ADAMTS9: variants seen among roughly 807,000 people sequenced by gnomAD.
ADAMTS9 encodes the protein A disintegrin and metalloproteinase with thrombospondin motifs 9.
Under a neutral mutation model 257.1 loss-of-function variants are expected in ADAMTS9, and 107 were observed. That is an observed-to-expected ratio of 0.42 (90% CI 0.36 to 0.49). The LOEUF (loss-of-function observed/expected upper bound fraction) is 0.49. Among genes scored for constraint, ADAMTS9 ranks in the 20% least tolerant of loss-of-function variants. ADAMTS9 has a pLI of 0.03. For synonymous variants in ADAMTS9, 982 were observed against 880.9 expected (o/e 1.11, Z -2.03); for missense variants, 2,353 against 2,469.1 (o/e 0.95, Z 1.00).
chr3:64,638,051 T>G (rs781535177), intron 12 of ADAMTS9, among the ~76,000 whole-genome samples: 2 of 152,196 alleles, frequency 1.3e-5, no homozygotes, highest in Non-Finnish European at 2.9e-5. Context: ...TAAAGTAAGA[T>G]TTCATAACCA....
Position 64,596,227 on chromosome 3 carries a change from C to A in ADAMTS9, c.4179+603G>T, listed in dbSNP as rs140615056. Among the ~76,000 whole-genome samples the A allele has an allele frequency of 5.8e-3, 880 of 152,240 alleles. 8 individuals carry two copies. The highest frequency in any genetic ancestry group is 0.02 in the African/African-American group (810 of 41,534). On this transcript the variant is annotated intron_variant, in intron 27 of 39. Coordinates refer to ENST00000498707, the MANE Select transcript of ADAMTS9 (RefSeq NM_182920.2). ...GCCAAGGTCACAAAACTTTTAAGAG[C>A]CAGAGCTGAGAACAGGACACGGTTT...
intron 26 of ADAMTS9, among the ~76,000 whole-genome samples, chr3:64,600,508 G>A (rs996484212): frequency 3.3e-5 from 5 of 152,250 alleles, no homozygotes; most frequent in African/African-American, 1.2e-4. Context: ...ATCCCCAAAT[G>A]TAGTCCTAAA....
intron 28 of ADAMTS9, chr3:64,588,806 T>A (rs1288910994): frequency 6.6e-6 from 1 of 152,196 alleles, no homozygotes; most frequent in East Asian, 1.9e-4. Context: ...TGAAAAAAGA[T>A]TATTAAAAGC....
chr3:64,560,358 G>A (rs1011434480), intron 30 of ADAMTS9, among the ~76,000 whole-genome samples: 5 of 152,206 alleles, frequency 3.3e-5, no homozygotes, highest in Admixed American at 1.3e-4. Context: ...TGAGTAGATG[G>A]AGAGGGTGAG....
chr3:64,606,594 CT>C (rs1462704798), intron 23 of ADAMTS9, among the ~76,000 whole-genome samples: 1 of 152,140 alleles, frequency 6.6e-6, no homozygotes, highest in Admixed American at 6.5e-5. Flanking sequence ...TCAATTGGCT[CT>C]TGTGAGCTGG....
intron 9 of ADAMTS9, 55 bp from the exon 10 acceptor site, chr3:64,649,833 C>G: frequency 6.4e-7 from 1 of 1,560,692 alleles, no homozygotes; most frequent in East Asian, 2.3e-5. Context: ...GTCAAGGTCT[C>G]CCCCAGGTAA....
intron 12 of ADAMTS9, among the ~76,000 whole-genome samples, chr3:64,639,175 T>A (rs1217056325): frequency 6.6e-6 from 1 of 152,092 alleles, no homozygotes; most frequent in Admixed American, 6.6e-5. Flanking sequence ...AGAGCCATTG[T>A]AACCTCCGTA....
chr3:64,650,971 A>G, intron 9 of ADAMTS9, 46 bp downstream of exon 9: 1 of 1,545,344 alleles, frequency 6.5e-7, no homozygotes, highest in Non-Finnish European at 8.7e-7. Context: ...CACTACATGT[A>G]GGCCAGGCAC....
chr3:64,638,518 G>C (rs1576147772), intron 12 of ADAMTS9, among the ~76,000 whole-genome samples: 2 of 152,182 alleles, frequency 1.3e-5, no homozygotes. Flanking sequence ...AATTCCTTCA[G>C]GGCAACAGAT....
intron 28 of ADAMTS9, among the ~76,000 whole-genome samples, chr3:64,570,283 G>T (rs2083647389): frequency 6.6e-6 from 1 of 152,242 alleles, no homozygotes; most frequent in South Asian, 2.1e-4. Flanking sequence ...CATTAATTAA[G>T]TGATGACAAA....
intron 29 of ADAMTS9, among the ~76,000 whole-genome samples, chr3:64,567,722 A>G (rs2083577678): frequency 6.6e-6 from 1 of 151,460 alleles, no homozygotes. Context: ...CCATACACAC[A>G]TCACACTTGT....
intron 3 of ADAMTS9, among the ~76,000 whole-genome samples, chr3:64,661,621 C>A (rs958066702): frequency 6.6e-6 from 1 of 152,094 alleles, no homozygotes; most frequent in African/African-American, 2.4e-5. Flanking sequence ...TCAACAGCTA[C>A]GGTTTGAAAT....
At chr3:64,655,542 A>G in intron 6 of ADAMTS9, 34 bp downstream of exon 6, 1 of 1,543,524 alleles carries the variant, frequency 6.5e-7, no homozygotes, top group Non-Finnish European at 9.0e-7. Context: ...TTGACCTGAG[A>G]CTGAAAGATC....
In ADAMTS9 at chr3:64,633,619, G is replaced by A. The variant is rs1168760753; in HGVS notation, c.2039-11C>T. On this transcript the variant is annotated splice_polypyrimidine_tract_variant and intron_variant, in intron 13 of 39. Transcript: ENST00000498707. ...GGTCCTTCATCAGAACTAGAGAGGA[G>A]AAACAATACAACTTGACTTTTGTGC... 1.9e-6 allele frequency: 3 copies of A among 1,614,032 alleles called. No individual in the cohort carries two copies. The highest frequency in any genetic ancestry group is 2.2e-5 in the South Asian group (2 of 91,076).
At chr3:64,533,308 T>C (rs750707496) in intron 37 of ADAMTS9, 38 bp from the exon 38 acceptor site, 44 of 1,565,070 alleles carry the variant, frequency 2.8e-5, no homozygotes, top group South Asian at 5.6e-5. Flanking sequence ...TTTCAGTCCA[T>C]GTGATGTCCT....
At chr3:64,631,994 T>C in intron 14 of ADAMTS9, 69 bp from the exon 15 acceptor site, 6 of 1,214,500 alleles carry the variant, frequency 4.9e-6, no homozygotes, top group Non-Finnish European at 6.0e-6. Context: ...AATAATGTGT[T>C]TCTTTTAATC....
rs1217622322 is a variant in ADAMTS9 at position 64,541,858 on chromosome 3, G to A, written c.5177C>T (p.Thr1726Ile). The A allele has an allele frequency of 8.7e-6, 14 of 1,614,078 alleles. No individual in the cohort carries two copies. In the Admixed American group the frequency reaches 1.7e-4, roughly 19 times the overall value. ...CTTACAGTTATAGACATTACGGCAG[G>A]TTTTTCGTTCTTCTGGCTTCAGATC... Reference protein sequence around the residue: ...HTDLKPEERKTCRNVYNCELP... With the variant: ...HTDLKPEERKICRNVYNCELP... Residue 1726 changes from threonine to isoleucine, a missense_variant, in exon 33 of 40, where the codon ACC becomes ATC. Physicochemically the swap from Thr to Ile is moderately conservative, Grantham distance 89. Coordinates refer to ENST00000498707, the MANE Select transcript of ADAMTS9 (RefSeq NM_182920.2).
At chr3:64,612,521 T>C (rs1468324993) in intron 22 of ADAMTS9, among the ~76,000 whole-genome samples, 1 of 152,200 alleles carries the variant, frequency 6.6e-6, no homozygotes, top group Non-Finnish European at 1.5e-5. Context: ...ATAATAAAAC[T>C]GCTTCCACTT....
At chr3:64,594,975 G>A (rs971938313) in intron 27 of ADAMTS9, among the ~76,000 whole-genome samples, 1 of 152,016 alleles carries the variant, frequency 6.6e-6, no homozygotes, top group Non-Finnish European at 1.5e-5. Flanking sequence ...TTTTAGTAGA[G>A]ATGGGGTTTC....
Sources: gnomAD v4.1 joint callset for allele counts (sites outside exome capture counted in the v4.1 genomes callset) on GRCh38, gnomAD v4.1.1 for gene constraint, MANE v1.5 for transcripts, NCBI Gene and HGNC (gene_info 2026-07-23, HGNC 2026-07-21) for gene names.